The following TOX3 variants were observed in gnomAD, a reference collection of about 807,000 sequenced individuals.
TOX3 encodes TOX high mobility group box family member 3.
Under a neutral mutation model 64.3 loss-of-function variants are expected in TOX3, and 22 were observed. That is an observed-to-expected ratio of 0.34 (90% CI 0.24 to 0.49). The LOEUF (loss-of-function observed/expected upper bound fraction) is 0.49, where lower values mean the gene tolerates loss of function less well. TOX3 is among the 20% of genes least tolerant of loss of function. TOX3 has a pLI of 0.99. For synonymous variants in TOX3, 291 were observed against 273.6 expected, an observed-to-expected ratio of 1.06 and a Z score of -0.63; for missense variants, 661 against 714.4, an observed-to-expected ratio of 0.93 and a Z score of 0.85.
At chr16:52,499,150 A>G (rs761824777) in intron 1 of TOX3, among the ~76,000 whole-genome samples, 1 of 152,146 alleles carries the variant, frequency 6.6e-6, no homozygotes, top group African/African-American at 2.4e-5. Context: ...GATTCACAAG[A>G]CCCCCTGGAA....
intron 1 of TOX3, among the ~76,000 whole-genome samples, chr16:52,488,401 T>C (rs1165298135): frequency 6.6e-6 from 1 of 152,158 alleles, no homozygotes; most frequent in Non-Finnish European, 1.5e-5. Flanking sequence ...AATGGTTAAT[T>C]CTTCCTCTGC....
intron 3 of TOX3, among the ~76,000 whole-genome samples, chr16:52,456,676 T>C (rs1960526157): frequency 6.6e-6 from 1 of 152,246 alleles, no homozygotes; most frequent in South Asian, 2.1e-4. Flanking sequence ...ATTAATCATT[T>C]GAGTGAACGG....
intron 6 of TOX3, among the ~76,000 whole-genome samples, chr16:52,443,851 C>G (rs1312459519): frequency 6.6e-6 from 1 of 151,980 alleles, no homozygotes; most frequent in Non-Finnish European, 1.5e-5. Flanking sequence ...TGATATGGAA[C>G]AGTTTGGTCA....
intron 4 of TOX3, among the ~76,000 whole-genome samples, chr16:52,448,369 C>T (rs1260163845): frequency 1.3e-5 from 2 of 152,110 alleles, no homozygotes; most frequent in Non-Finnish European, 2.9e-5. Context: ...CAGTATGGTA[C>T]AGTGGCAAGT....
At chr16:52,546,128 T>C (rs1017856077) in intron 1 of TOX3, among the ~76,000 whole-genome samples, 2 of 151,918 alleles carry the variant, frequency 1.3e-5, no homozygotes, top group African/African-American at 2.4e-5. Context: ...CCCACTCCCC[T>C]GTCCAGGCAT....
intron 1 of TOX3, among the ~76,000 whole-genome samples, chr16:52,501,088 A>G (rs1034916236): frequency 1.3e-5 from 2 of 152,210 alleles, no homozygotes; most frequent in Admixed American, 1.3e-4. Flanking sequence ...TCCATATGTT[A>G]ACTCATTAAT....
At chr16:52,478,227 G>T (rs1323939642) in intron 1 of TOX3, among the ~76,000 whole-genome samples, 1 of 152,154 alleles carries the variant, frequency 6.6e-6, no homozygotes, top group Admixed American at 6.5e-5. Flanking sequence ...CTGGGTGCTG[G>T]CTCCTTCTCC....
At chr16:52,458,329 G>A (rs1278334466) in intron 3 of TOX3, among the ~76,000 whole-genome samples, 1 of 152,100 alleles carries the variant, frequency 6.6e-6, no homozygotes, top group East Asian at 1.9e-4. Context: ...CAGATGGGAA[G>A]CAAGCAAAGG....
chr16:52,501,926 T>C (rs1962016029), intron 1 of TOX3, among the ~76,000 whole-genome samples: 1 of 152,200 alleles, frequency 6.6e-6, no homozygotes, highest in African/African-American at 2.4e-5. Flanking sequence ...CCCAATTACC[T>C]GCAGGAAGGC....
intron 1 of TOX3, among the ~76,000 whole-genome samples, chr16:52,485,527 G>A (rs948193799): frequency 2.0e-5 from 3 of 151,900 alleles, no homozygotes; most frequent in African/African-American, 7.3e-5. Context: ...TACCTATCAG[G>A]TACAATGTTC....
intron 3 of TOX3, among the ~76,000 whole-genome samples, chr16:52,459,426 T>G (rs927939811): frequency 6.6e-6 from 1 of 152,238 alleles, no homozygotes; most frequent in Non-Finnish European, 1.5e-5. Flanking sequence ...TTAGAGTTCA[T>G]GCAGATAGGT....
chr16:52,533,142 C>T (rs1321033460), intron 1 of TOX3, among the ~76,000 whole-genome samples: 3 of 152,122 alleles, frequency 2.0e-5, no homozygotes, highest in Admixed American at 6.5e-5. Context: ...ATGTTGAAGA[C>T]GAGGTCAACA....
At chr16:52,527,684 G>A (rs1224373262) in intron 1 of TOX3, among the ~76,000 whole-genome samples, 1 of 152,126 alleles carries the variant, frequency 6.6e-6, no homozygotes, top group Non-Finnish European at 1.5e-5. Context: ...GGCCTTCTTA[G>A]CTATTCTGGG....
intron 4 of TOX3, 79 bp from the exon 5 acceptor site, chr16:52,446,300 G>T (rs1960160946): frequency 1.4e-6 from 2 of 1,436,476 alleles, no homozygotes; most frequent in Non-Finnish European, 1.9e-6. Flanking sequence ...ATCCATAATT[G>T]TTCTTTGAAG....
chr16:52,464,249 G>C (rs1960787611), intron 2 of TOX3, 61 bp from the exon 3 acceptor site: 6 of 1,373,640 alleles, frequency 4.4e-6, no homozygotes, highest in Non-Finnish European at 3.8e-6. Flanking sequence ...TTCCTCCGGG[G>C]AGGGAAAGAG....
intron 1 of TOX3, among the ~76,000 whole-genome samples, chr16:52,534,470 T>C (rs1567354730): frequency 6.6e-6 from 1 of 152,028 alleles, no homozygotes; most frequent in Non-Finnish European, 1.5e-5. Context: ...AGACCCCATC[T>C]CTACAAAAAT....
intron 1 of TOX3, among the ~76,000 whole-genome samples, chr16:52,524,817 C>T (rs1420530): frequency 0.48 from 72,751 of 151,924 alleles, 17,584 homozygotes; most frequent in Middle Eastern, 0.59. Context: ...CTCTGGGTCT[C>T]CTTTCTGAGA....
chr16:52,450,580 C>T, intron 3 of TOX3, 34 bp from the exon 4 acceptor site: 1 of 1,611,708 alleles, frequency 6.2e-7, no homozygotes, highest in Non-Finnish European at 8.5e-7. Context: ...GAAAATATTT[C>T]AGCTTTTCCA....
intron 1 of TOX3, among the ~76,000 whole-genome samples, chr16:52,511,604 G>A (rs1022606490): frequency 2.6e-5 from 4 of 152,118 alleles, no homozygotes; most frequent in Non-Finnish European, 5.9e-5. Context: ...TTAAAGATTA[G>A]GATACTCTCT....
Sources: gnomAD v4.1 joint callset for allele counts (sites outside exome capture counted in the v4.1 genomes callset) on GRCh38, gnomAD v4.1.1 for gene constraint, MANE v1.5 for transcripts, NCBI Gene and HGNC (gene_info 2026-07-23, HGNC 2026-07-21) for gene names.